The following TNFAIP8 variants were observed in gnomAD, a reference collection of about 807,000 sequenced individuals.
TNFAIP8 encodes tumor necrosis factor alpha-induced protein 8.
In TNFAIP8, 7 loss-of-function variants were observed where a neutral mutation model predicts 13.3. The ratio of observed to expected loss-of-function variants is 0.52; its 90% CI spans 0.30 to 0.99. TNFAIP8 has a LOEUF of 0.99. Among genes scored for constraint, TNFAIP8 ranks in the 50% least tolerant of loss-of-function variants. The probability of loss-of-function intolerance (pLI) is 0.07; values close to 1 mark genes in which losing one functional copy is unlikely to be tolerated. For missense variants in TNFAIP8, 258 were observed against 236.9 expected (o/e 1.09, Z -0.58); for synonymous variants, 94 against 87.6 (o/e 1.07, Z -0.41).
intron 1 of TNFAIP8, among the ~76,000 whole-genome samples, chr5:119,385,395 G>T (rs192820580): frequency 1.8e-4 from 28 of 152,288 alleles, no homozygotes; most frequent in African/African-American, 6.3e-4. Context: ...GCTTTTAACT[G>T]TGGCTTTATT....
intron 1 of TNFAIP8, among the ~76,000 whole-genome samples, chr5:119,376,985 A>G (rs766387448): frequency 2.0e-5 from 3 of 152,090 alleles, no homozygotes; most frequent in Non-Finnish European, 2.9e-5. Context: ...CTTTTAGCCT[A>G]TATTGCTGCT....
chr5:119,373,765 TCA>T (rs1286428621), intron 1 of TNFAIP8, among the ~76,000 whole-genome samples: 1 of 152,194 alleles, frequency 6.6e-6, no homozygotes, highest in African/African-American at 2.4e-5. Context: ...TAAATCATCT[TCA>T]GTCATATCAC....
At chr5:119,364,683 G>C in intron 1 of TNFAIP8, among the ~76,000 whole-genome samples, 1 of 151,662 alleles carries the variant, frequency 6.6e-6, no homozygotes, top group Non-Finnish European at 1.5e-5. Context: ...CAAGAGTTTT[G>C]AGAGCTCTAG....
intron 1 of TNFAIP8, among the ~76,000 whole-genome samples, chr5:119,344,995 T>C (rs1271513353): frequency 6.6e-6 from 1 of 152,206 alleles, no homozygotes; most frequent in African/African-American, 2.4e-5. Context: ...CAAATGTTCT[T>C]GGCTCATGCA....
chr5:119,343,097 A>C (rs969261841), intron 1 of TNFAIP8, among the ~76,000 whole-genome samples: 16 of 152,320 alleles, frequency 1.1e-4, no homozygotes, highest in Non-Finnish European at 2.1e-4. Context: ...AATTTTGTTC[A>C]ATCCATCTTA....
At chr5:119,290,204 A>G (rs533808886) in intron 1 of TNFAIP8, among the ~76,000 whole-genome samples, 92 of 152,382 alleles carry the variant, frequency 6.0e-4, no homozygotes, top group Non-Finnish European at 1.1e-3. Context: ...AAAACTTAGT[A>G]GCTAAAAACA....
Position 119,375,307 on chromosome 5 carries a change from A to G in TNFAIP8, c.32-17509A>G, listed in dbSNP as rs62375119. On this transcript the variant is annotated intron_variant, in intron 1 of 1. Transcript: ENST00000504771. ...CACGGCTTCTTCTATCTCCTAAAAT[A>G]GGACCCATGATAGAAATGGTGAGAT... Among the ~76,000 whole-genome samples, 792 of 152,344 alleles carry G rather than the reference A, an allele frequency of 5.2e-3. 2 individuals are homozygous for G. The highest frequency in any genetic ancestry group is 8.9e-3 in the Non-Finnish European group (608 of 68,020).
intron 1 of TNFAIP8, among the ~76,000 whole-genome samples, chr5:119,362,694 A>T (rs1026315513): frequency 1.3e-5 from 2 of 152,050 alleles, no homozygotes; most frequent in African/African-American, 2.4e-5. Context: ...TACTTGGGAA[A>T]ATCAGGAAGA....
At chr5:119,320,250 A>G (rs1448481837) in intron 1 of TNFAIP8, among the ~76,000 whole-genome samples, 4 of 152,194 alleles carry the variant, frequency 2.6e-5, no homozygotes, top group Non-Finnish European at 4.4e-5. Flanking sequence ...TTTCAGATTC[A>G]TTGGTTCAGG....
intron 1 of TNFAIP8, among the ~76,000 whole-genome samples, chr5:119,388,086 C>T (rs1752747952): frequency 6.6e-6 from 1 of 152,158 alleles, no homozygotes; most frequent in Non-Finnish European, 1.5e-5. Context: ...TAGATCCAGC[C>T]AGAAGTAGAG....
intron 1 of TNFAIP8, among the ~76,000 whole-genome samples, chr5:119,342,019 A>G (rs1187244303): frequency 6.6e-6 from 1 of 151,864 alleles, no homozygotes; most frequent in Non-Finnish European, 1.5e-5. Context: ...TCTGTTTCCT[A>G]TCTGGGGTGC....
intron 1 of TNFAIP8, among the ~76,000 whole-genome samples, chr5:119,338,149 T>C (rs536290336): frequency 5.6e-4 from 80 of 143,232 alleles, no homozygotes; most frequent in Admixed American, 1.7e-3. Flanking sequence ...TATTCCAGAT[T>C]GGAATCTGGA....
At chr5:119,333,363 A>T (rs1581612319) in intron 1 of TNFAIP8, 1 of 1,308,384 alleles carries the variant, frequency 7.6e-7, no homozygotes, top group East Asian at 2.9e-5. Context: ...CTCCCAGAAT[A>T]ACAAGCAAGA....
intron 1 of TNFAIP8, among the ~76,000 whole-genome samples, chr5:119,378,500 G>A (rs1274812126): frequency 6.6e-6 from 1 of 152,190 alleles, no homozygotes; most frequent in Admixed American, 6.5e-5. Flanking sequence ...AGGAAAAATT[G>A]TGACAAGAAT....
rs1436901301 is a variant in TNFAIP8, at chr5:119,376,278, C to A, written c.32-16538C>A. On this transcript the variant is annotated intron_variant, in intron 1 of 1. Coordinates refer to ENST00000504771, the MANE Select transcript of TNFAIP8 (RefSeq NM_014350.4). ...TACAGGCATGTGCCACCACAGCTGG[C>A]TAATTTTTGTATTTTTAGTAGAGAT... Among the ~76,000 whole-genome samples, 9 of 152,080 alleles carry A rather than the reference C, an allele frequency of 5.9e-5. No individual in the cohort carries two copies. In the East Asian group the frequency reaches 1.7e-3, roughly 29 times the overall value.
At chr5:119,351,035 T>TGTAG (rs1554176937), upstream of TNFAIP8, among the ~76,000 whole-genome samples, 6 of 130,904 alleles carry the variant, frequency 4.6e-5, no homozygotes, top group African/African-American at 9.8e-5. Flanking sequence ...TGTGTGTGTG[T>TGTAG]AGAGAGAGAG....
intron 1 of TNFAIP8, among the ~76,000 whole-genome samples, chr5:119,364,358 A>C (rs930146269): frequency 6.6e-6 from 1 of 152,154 alleles, no homozygotes; most frequent in African/African-American, 2.4e-5. Context: ...ATATTACAAC[A>C]AAAGATGCAC....
At position 119,393,934 on chromosome 5, in the gene TNFAIP8, T is replaced by A. The variant is rs1342674212; in HGVS notation, c.*553T>A. 6.5e-6 allele frequency: 1 copy of A among 154,250 alleles called. No homozygotes were observed. Among genetic ancestry groups the A allele is most frequent in the Non-Finnish European group, 1.4e-5 (1 of 69,584 alleles). The allele number at this position is 154,250 out of a possible 1,614,324, so 9.6% of individuals were successfully genotyped here. A position where few individuals can be genotyped will look rare whatever the true frequency, so the allele number is the denominator to read the frequency against. ...TAGTCAACCCTCAGGAAAAAAAAAA[T>A]GGCTTATCTGAAATCAGTACTGTGG... On this transcript the variant is annotated 3_prime_UTR_variant, in exon 2 of 2. Transcript: ENST00000504771.
chr5:119,274,326 A>G (rs565336870), intron 1 of TNFAIP8, among the ~76,000 whole-genome samples: 5 of 152,366 alleles, frequency 3.3e-5, no homozygotes, highest in Admixed American at 1.3e-4. Flanking sequence ...TGGTCAGGAA[A>G]CTACTCTTTT....
Sources: gnomAD v4.1 joint callset for allele counts (sites outside exome capture counted in the v4.1 genomes callset) on GRCh38, gnomAD v4.1.1 for gene constraint, MANE v1.5 for transcripts, NCBI Gene and HGNC (gene_info 2026-07-23, HGNC 2026-07-21) for gene names.